Variants in ST8SIA4 observed in about 807,000 individuals in gnomAD.
ST8SIA4 encodes the protein CMP-N-acetylneuraminate-poly-alpha-2,8-sialyltransferase.
In ST8SIA4, 15 loss-of-function variants were observed where a neutral mutation model predicts 33.9. That is an observed-to-expected ratio of 0.44 (90% CI 0.30 to 0.68). The LOEUF is 0.68. ST8SIA4 is among the 30% of genes least tolerant of loss of function. The pLI is 0.10. For missense variants in ST8SIA4, 321 were observed against 428.0 expected (o/e 0.75, Z 2.21); for synonymous variants, 171 against 151.2 (o/e 1.13, Z -0.96).
At chr5:100,826,235 C>T (rs1751140913) in intron 4 of ST8SIA4, among the ~76,000 whole-genome samples, 1 of 152,064 alleles carries the variant, frequency 6.6e-6, no homozygotes, top group Non-Finnish European at 1.5e-5. Context: ...CTGGCCAGTT[C>T]CCCTATTCGT....
chr5:100,811,664 T>C lies in ST8SIA4; in HGVS notation c.*183A>G. 1 of 617,810 alleles carries C rather than the reference T, an allele frequency of 1.6e-6. No individual in the cohort carries two copies. Among genetic ancestry groups the C allele is most frequent in the Non-Finnish European group, 2.8e-6 (1 of 363,610 alleles). 38.3% of individuals were successfully genotyped at this position (617,810 alleles called of 1,614,324 possible). ...TACTAGGACCCTTAAAGTCAAAATA[T>C]TTAATTTTTAGAGCACTTTGCAGGT... On this transcript the variant is annotated 3_prime_UTR_variant, in exon 5 of 5. Coordinates refer to ENST00000231461, the MANE Select transcript of ST8SIA4 (RefSeq NM_005668.6).
rs565487704 is a variant in ST8SIA4, at chr5:100,808,945, C to A, written c.*2902G>T. On this transcript the variant is annotated 3_prime_UTR_variant, in exon 5 of 5. Coordinates refer to ENST00000231461, the MANE Select transcript of ST8SIA4 (RefSeq NM_005668.6). ...TGAGATGAACAAAAGCAATCTCAAT[C>A]GACACTGAAGCCCTTTTTTTCATGC... 4 of 152,528 alleles carry A rather than the reference C, an allele frequency of 2.6e-5. No individual in the cohort carries two copies. The highest frequency in any genetic ancestry group is 5.9e-5 in the Non-Finnish European group (4 of 68,006). 9.4% of individuals were successfully genotyped at this position (152,528 alleles called of 1,614,324 possible). A position where few individuals can be genotyped will look rare whatever the true frequency, so the allele number is the denominator to read the frequency against.
At chr5:100,896,185 T>C (rs1752776321) in intron 1 of ST8SIA4, among the ~76,000 whole-genome samples, 1 of 152,008 alleles carries the variant, frequency 6.6e-6, no homozygotes. Context: ...ATAGCTAAGA[T>C]ATAGAAATAA....
At chr5:100,843,056 C>T (rs180970518) in intron 4 of ST8SIA4, among the ~76,000 whole-genome samples, 4 of 151,834 alleles carry the variant, frequency 2.6e-5, no homozygotes, top group African/African-American at 9.6e-5. Flanking sequence ...CAAGGAAGCT[C>T]CTATTATAAA....
chr5:100,816,688 A>G (rs1478964175), intron 4 of ST8SIA4: 1 of 454,452 alleles, frequency 2.2e-6, no homozygotes. Context: ...TTAATGTTAT[A>G]TTATAAGCAA....
At chr5:100,900,404 A>C (rs1285791293) in intron 1 of ST8SIA4, 2 of 456,118 alleles carry the variant, frequency 4.4e-6, no homozygotes, top group Admixed American at 2.3e-5. Flanking sequence ...TGGCTTGGGT[A>C]GAAAGACAGT....
chr5:100,888,839 T>G (rs1360377829), intron 2 of ST8SIA4, among the ~76,000 whole-genome samples: 1 of 151,978 alleles, frequency 6.6e-6, no homozygotes, highest in Admixed American at 6.6e-5. Context: ...ATTGAAAAAC[T>G]CTGCTCTAAT....
intron 4 of ST8SIA4, among the ~76,000 whole-genome samples, chr5:100,843,004 T>C (rs567856824): frequency 5.5e-4 from 83 of 151,984 alleles, no homozygotes; most frequent in Non-Finnish European, 8.7e-4. Context: ...ATGCTATAGC[T>C]TAATGAACAC....
chr5:100,898,855 G>A (rs1752835804), intron 1 of ST8SIA4, among the ~76,000 whole-genome samples: 3 of 152,276 alleles, frequency 2.0e-5, no homozygotes, highest in South Asian at 4.1e-4. Flanking sequence ...GATTCAATAT[G>A]TACTTTTAAA....
rs73777441 is a variant in ST8SIA4 at position 100,898,392 on chromosome 5, T to G, written c.114-2607A>C. On this transcript the variant is annotated intron_variant, in intron 1 of 4. Transcript: ENST00000231461. Reference sequence around the variant, plus strand: ...TTACATGGCAGAATGTTTGATATGATGTTTTCAGTTGTGCCAAGCCTTTTC... The same window carrying G: ...TTACATGGCAGAATGTTTGATATGAGGTTTTCAGTTGTGCCAAGCCTTTTC... Among the ~76,000 whole-genome samples the G allele has an allele frequency of 4.2e-3, 638 of 152,344 alleles. 3 individuals carry two copies. Among genetic ancestry groups the G allele is most frequent in the African/African-American group, 0.015 (623 of 41,576 alleles).
intron 4 of ST8SIA4, among the ~76,000 whole-genome samples, chr5:100,837,240 G>A (rs1751382986): frequency 6.6e-6 from 1 of 151,578 alleles, no homozygotes; most frequent in Admixed American, 6.6e-5. Context: ...TCCACTTTAG[G>A]GATTATTATA....
At chr5:100,892,517 G>A (rs1286076211) in intron 2 of ST8SIA4, among the ~76,000 whole-genome samples, 1 of 151,974 alleles carries the variant, frequency 6.6e-6, no homozygotes, top group Non-Finnish European at 1.5e-5. Context: ...CCGATTCTTG[G>A]TGTGCTTATG....
intron 3 of ST8SIA4, among the ~76,000 whole-genome samples, chr5:100,879,670 T>C (rs939802504): frequency 6.6e-6 from 1 of 152,206 alleles, no homozygotes; most frequent in Non-Finnish European, 1.5e-5. Context: ...ATACATTCTA[T>C]AAATTTGGAA....
At chr5:100,854,627 A>G (rs1751776218) in intron 4 of ST8SIA4, among the ~76,000 whole-genome samples, 1 of 152,156 alleles carries the variant, frequency 6.6e-6, no homozygotes. Flanking sequence ...ACAAAAAAAG[A>G]ATGTAATTTA....
intron 3 of ST8SIA4, among the ~76,000 whole-genome samples, chr5:100,878,466 T>A (rs1277414200): frequency 6.6e-6 from 1 of 152,154 alleles, no homozygotes; most frequent in Non-Finnish European, 1.5e-5. Context: ...CATGAGCCAC[T>A]GTGCTGGGCT....
chr5:100,825,591 C>T (rs190084116), intron 4 of ST8SIA4, among the ~76,000 whole-genome samples: 1 of 152,302 alleles, frequency 6.6e-6, no homozygotes, highest in East Asian at 1.9e-4. Context: ...AGTTTGATTG[C>T]TCTTTCCACT....
Position 100,807,131 on chromosome 5 carries a change from T to C in ST8SIA4, c.*4716A>G, listed in dbSNP as rs1580442314. 1 of 152,018 alleles carries C rather than the reference T, an allele frequency of 6.6e-6. No homozygotes were observed. The highest frequency in any genetic ancestry group is 1.5e-5 in the Non-Finnish European group (1 of 67,936). 9.4% of individuals were successfully genotyped at this position (152,018 alleles called of 1,614,324 possible). ...AAAGCAAAGCACAAGCCAAAGCTTG[T>C]TAAAAATGATCACCTAACATTGACA... On this transcript the variant is annotated 3_prime_UTR_variant, in exon 5 of 5. Coordinates refer to ENST00000231461, the MANE Select transcript of ST8SIA4 (RefSeq NM_005668.6).
intron 4 of ST8SIA4, chr5:100,849,134 C>G: frequency 1.0e-6 from 1 of 977,554 alleles, no homozygotes; most frequent in Non-Finnish European, 1.2e-6. Flanking sequence ...ACAGAGAATA[C>G]ATTCCTGAGG....
At chr5:100,887,836 C>G (rs990100541) in intron 2 of ST8SIA4, among the ~76,000 whole-genome samples, 1 of 151,986 alleles carries the variant, frequency 6.6e-6, no homozygotes, top group Admixed American at 6.6e-5. Context: ...CATAAAATAG[C>G]CAACTAACTT....
Sources: gnomAD v4.1 joint callset for allele counts (sites outside exome capture counted in the v4.1 genomes callset) on GRCh38, gnomAD v4.1.1 for gene constraint, MANE v1.5 for transcripts, NCBI Gene and HGNC (gene_info 2026-07-23, HGNC 2026-07-21) for gene names.